Variants in PRKG2 observed in about 807,000 individuals in gnomAD.
The protein encoded by PRKG2 is protein kinase cGMP-dependent 2.
In PRKG2, 33 loss-of-function variants were observed where a neutral mutation model predicts 97.2. The ratio of observed to expected loss-of-function variants is 0.34; its 90% CI spans 0.26 to 0.45. The LOEUF (loss-of-function observed/expected upper bound fraction) is 0.45, where lower values mean the gene tolerates loss of function less well. PRKG2 is among the 20% of genes least tolerant of loss of function. The pLI, the probability that PRKG2 is intolerant of heterozygous loss-of-function variation, is 1.00. For synonymous variants in PRKG2, 330 were observed against 321.8 expected (o/e 1.03, Z -0.27); for missense variants, 638 against 900.0 (o/e 0.71, Z 3.73).
At chr4:81,122,956 G>A (rs11947094) in intron 14 of PRKG2, among the ~76,000 whole-genome samples, 5,940 of 152,262 alleles carry the variant, frequency 0.039, 410 homozygotes, top group African/African-American at 0.14. Flanking sequence ...TGGGCTGCCA[G>A]CCCAATCAGT....
intron 2 of PRKG2, among the ~76,000 whole-genome samples, chr4:81,197,014 T>G (rs748095967): frequency 6.6e-6 from 1 of 152,166 alleles, no homozygotes; most frequent in Non-Finnish European, 1.5e-5. Flanking sequence ...TCTTGAGAAT[T>G]GTATTGCAAT....
chr4:81,089,979 A>T (rs1045873681), intron 18 of PRKG2, among the ~76,000 whole-genome samples, 176 bp from the exon 19 acceptor site: 2 of 152,194 alleles, frequency 1.3e-5, no homozygotes, highest in Admixed American at 1.3e-4. Flanking sequence ...GCCTCATGAG[A>T]TCTTCTCTTT....
intron 12 of PRKG2, among the ~76,000 whole-genome samples, chr4:81,140,281 G>A (rs1378721534): frequency 6.6e-6 from 1 of 152,124 alleles, no homozygotes; most frequent in African/African-American, 2.4e-5. Context: ...ATTGGACATT[G>A]TAAAATAACT....
chr4:81,185,521 A>G (rs1017511775), intron 2 of PRKG2, among the ~76,000 whole-genome samples: 91 of 152,330 alleles, frequency 6.0e-4, no homozygotes, highest in Middle Eastern at 3.4e-3. Flanking sequence ...CACTGCAAAA[A>G]CATACCAAAT....
intron 14 of PRKG2, 139 bp downstream of exon 14, chr4:81,135,016 G>T: frequency 1.4e-6 from 1 of 719,824 alleles, no homozygotes; most frequent in Non-Finnish European, 2.1e-6. Context: ...TCCCAGTATT[G>T]TCGGGAAATG....
At chr4:81,204,219 C>CTT (rs748154542) in intron 2 of PRKG2, among the ~76,000 whole-genome samples, 1 of 139,798 alleles carries the variant, frequency 7.2e-6, no homozygotes, top group African/African-American at 2.6e-5. Context: ...ATGTGACTCT[C>CTT]TTTTTTTTTT....
chr4:81,126,456 T>A (rs1170367224), intron 14 of PRKG2, among the ~76,000 whole-genome samples: 1 of 152,354 alleles, frequency 6.6e-6, no homozygotes, highest in Non-Finnish European at 1.5e-5. Context: ...CGCCATACTG[T>A]CTTCCACAAT....
intron 14 of PRKG2, among the ~76,000 whole-genome samples, chr4:81,123,265 T>A (rs992016197): frequency 2.6e-5 from 4 of 152,216 alleles, no homozygotes; most frequent in Admixed American, 2.0e-4. Flanking sequence ...GATTTTCATA[T>A]CACTTTGGTG....
chr4:81,148,840 C>G (rs1748108948), intron 9 of PRKG2, 44 bp downstream of exon 9: 2 of 1,555,280 alleles, frequency 1.3e-6, no homozygotes, highest in Non-Finnish European at 1.8e-6. Context: ...GCCAAGTCTT[C>G]AAAGGTGGCA....
intron 2 of PRKG2, among the ~76,000 whole-genome samples, chr4:81,183,304 C>A (rs1751579692): frequency 6.6e-6 from 1 of 152,068 alleles, no homozygotes; most frequent in East Asian, 1.9e-4. Flanking sequence ...GCTCATCTCA[C>A]TGGGACTGGT....
intron 9 of PRKG2, among the ~76,000 whole-genome samples, 199 bp from the exon 10 acceptor site, chr4:81,144,529 AAAAGC>A (rs1465914717): frequency 6.6e-6 from 1 of 151,650 alleles, no homozygotes; most frequent in Non-Finnish European, 1.5e-5. Context: ...TTGATTTTAT[AAAAGC>A]AAAGGGGCTA....
At position 81,144,237 on chromosome 4, in the gene PRKG2, A is replaced by G. The variant is rs752053452; in HGVS notation, c.1248T>C (p.His416=). ...GAAAACATTCCTCCACTTACTTCGC[A>G]TGTCTTTTTTCATCATCACGGTTCA... ...ANLNRDDEKR[H]AKRSMSNWKL... Residue 416 remains histidine (H), a synonymous_variant, in exon 10 of 19, where the codon CAT becomes CAC. Transcript: ENST00000264399. 6.9e-6 allele frequency: 11 copies of G among 1,605,162 alleles called. No homozygotes were observed. The highest frequency in any genetic ancestry group is 8.5e-6 in the Non-Finnish European group (10 of 1,172,086).
intron 9 of PRKG2, among the ~76,000 whole-genome samples, chr4:81,148,553 G>T (rs373304225): frequency 1.7e-4 from 26 of 152,248 alleles, no homozygotes; most frequent in African/African-American, 6.0e-4. Context: ...TTATGTAATT[G>T]TTCACTATAT....
chr4:81,098,183 C>T (rs1324114474), intron 17 of PRKG2, among the ~76,000 whole-genome samples: 2 of 152,116 alleles, frequency 1.3e-5, no homozygotes, highest in East Asian at 1.9e-4. Flanking sequence ...CTGGCCTAGC[C>T]TCCCAGTCTA....
At chr4:81,099,824 A>C (rs1301832638) in intron 17 of PRKG2, among the ~76,000 whole-genome samples, 1 of 152,212 alleles carries the variant, frequency 6.6e-6, no homozygotes, top group East Asian at 1.9e-4. Context: ...CCACTGTCTC[A>C]GCCCAAAATC....
At chr4:81,213,305 T>C (rs1466662638) in intron 1 of PRKG2, among the ~76,000 whole-genome samples, 10 of 152,086 alleles carry the variant, frequency 6.6e-5, no homozygotes, top group Admixed American at 3.9e-4. Flanking sequence ...CCTATGAACA[T>C]ATAGGTAATA....
chr4:81,144,166 G>GT (rs1560575425), intron 10 of PRKG2, 66 bp downstream of exon 10: 1 of 1,424,718 alleles, frequency 7.0e-7, no homozygotes, highest in African/African-American at 1.4e-5. Flanking sequence ...CACACCCTCT[G>GT]TCCCCTTCTT....
chr4:81,116,957 T>C (rs1165168319), intron 14 of PRKG2, among the ~76,000 whole-genome samples: 1 of 151,656 alleles, frequency 6.6e-6, no homozygotes, highest in East Asian at 1.9e-4. Context: ...TTCTCCCATC[T>C]GTAGGTTATC....
intron 2 of PRKG2, among the ~76,000 whole-genome samples, chr4:81,188,782 G>A (rs1328015880): frequency 1.9e-5 from 2 of 102,590 alleles, no homozygotes; most frequent in Non-Finnish European, 3.3e-5. Context: ...AACAAAAAAC[G>A]AAACACCGCA....
Sources: allele counts gnomAD v4.1 joint callset (sites outside exome capture counted in the v4.1 genomes callset), GRCh38; gene constraint gnomAD v4.1.1; transcripts MANE v1.5; gene names NCBI Gene and HGNC (gene_info 2026-07-23, HGNC 2026-07-21).